PLB1: variants seen among roughly 807,000 people sequenced by gnomAD.
PLB1 encodes phospholipase B1, also known as phospholipase B1, membrane-associated.
PLB1 carries 242 observed loss-of-function variants against 227.4 expected under a neutral mutation model. That is an observed-to-expected ratio of 1.06 (90% confidence interval 0.96 to 1.18). PLB1 has a LOEUF of 1.18. Ranked by LOEUF, PLB1 falls within the 50% of genes most tolerant of loss-of-function variation. The probability of loss-of-function intolerance (pLI) is 0.00; values close to 1 mark genes in which losing one functional copy is unlikely to be tolerated. For missense variants in PLB1, 1,858 were observed against 1,816.3 expected (o/e 1.02, Z -0.42); for synonymous variants, 757 against 682.2 (o/e 1.11, Z -1.71).
intron 50 of PLB1, among the ~76,000 whole-genome samples, chr2:28,625,908 G>C (rs55743531): frequency 0.13 from 19,505 of 146,072 alleles, 3,263 homozygotes; most frequent in African/African-American, 0.4. Flanking sequence ...CCCCGCCAGC[G>C]CCCACCGCCA....
intron 11 of PLB1, 96 bp downstream of exon 11, chr2:28,539,274 C>A (rs944528754): frequency 1.5e-5 from 17 of 1,139,072 alleles, no homozygotes; most frequent in East Asian, 1.2e-4. Flanking sequence ...TATGAGGGAG[C>A]CCTAAAGAAC....
At chr2:28,562,269 C>A (rs115731737) in intron 17 of PLB1, among the ~76,000 whole-genome samples, 2 of 152,056 alleles carry the variant, frequency 1.3e-5, no homozygotes, top group African/African-American at 4.8e-5. Flanking sequence ...GTCGGCCGGG[C>A]GCGTTGGCTC....
At chr2:28,630,552 A>G (rs1483245932) in intron 53 of PLB1, 34 bp from the exon 54 acceptor site, 1 of 1,589,056 alleles carries the variant, frequency 6.3e-7, no homozygotes, top group East Asian at 2.2e-5. Context: ...ACAGTGCCCC[A>G]GGCAGCCTCA....
At chr2:28,569,164 C>T (rs899147352) in intron 20 of PLB1, among the ~76,000 whole-genome samples, 23 of 152,200 alleles carry the variant, frequency 1.5e-4, no homozygotes, top group African/African-American at 5.3e-4. Flanking sequence ...GGCTGCTACC[C>T]GGCCAGTTTC....
intron 56 of PLB1, among the ~76,000 whole-genome samples, chr2:28,635,005 T>TATTTCATAAAGATAAGTGGGAGGAGTTTA (rs767655782): frequency 6.6e-5 from 10 of 152,286 alleles, no homozygotes; most frequent in Non-Finnish European, 1.2e-4. Context: ...AAGAGGCCTT[T>TATTTCATAAAGATAAGTGGGAGGAGTTTA]ATTTCATAAA....
chr2:28,593,085 TTTC>T (rs772343331), intron 32 of PLB1, among the ~76,000 whole-genome samples: 7 of 152,170 alleles, frequency 4.6e-5, no homozygotes, highest in Non-Finnish European at 1.0e-4. Context: ...CTCACATCTG[TTTC>T]TTCTTTGCAT....
chr2:28,566,960 C>T, intron 20 of PLB1, 121 bp downstream of exon 20: 1 of 1,159,262 alleles, frequency 8.6e-7, no homozygotes, highest in South Asian at 1.3e-5. Context: ...GCTAAATTCA[C>T]CAGGGGGCGC....
chr2:28,591,855 G>A, intron 31 of PLB1, 95 bp downstream of exon 31: 2 of 1,242,376 alleles, frequency 1.6e-6, no homozygotes. Flanking sequence ...TCACTAAATG[G>A]CACAGTGACG....
chr2:28,524,254 T>C (rs1237407514), intron 4 of PLB1, among the ~76,000 whole-genome samples: 2 of 152,136 alleles, frequency 1.3e-5, no homozygotes, highest in Non-Finnish European at 2.9e-5. Flanking sequence ...GAGAGAAAAT[T>C]CACATCAGAA....
chr2:28,519,587 GACCTCCGCA>G (rs2148178994), intron 3 of PLB1, 109 bp from the exon 4 acceptor site: 4 of 727,784 alleles, frequency 5.5e-6, no homozygotes, highest in South Asian at 5.3e-5. Context: ...CAACAGACTG[GACCTCCGCA>G]GCTGTCCAGG....
chr2:28,565,055 G>C (rs982429997), intron 18 of PLB1, among the ~76,000 whole-genome samples: 1 of 152,224 alleles, frequency 6.6e-6, no homozygotes, highest in African/African-American at 2.4e-5. Context: ...GGGTTTCTTA[G>C]AATGAAGCAG....
intron 17 of PLB1, among the ~76,000 whole-genome samples, chr2:28,554,489 CTTTT>C (rs536476788): frequency 0.023 from 1,950 of 84,846 alleles, 35 homozygotes; most frequent in Middle Eastern, 0.04. Context: ...CCACACCTGC[CTTTT>C]TTTTTTTTTT....
chr2:28,538,077 T>C (rs1671946474), intron 9 of PLB1, among the ~76,000 whole-genome samples: 1 of 152,236 alleles, frequency 6.6e-6, no homozygotes, highest in South Asian at 2.1e-4. Context: ...ATGGAACTTT[T>C]CACCTGTGGG....
At chr2:28,520,378 A>C (rs1042560103) in intron 4 of PLB1, among the ~76,000 whole-genome samples, 4 of 152,184 alleles carry the variant, frequency 2.6e-5, no homozygotes, top group African/African-American at 9.6e-5. Flanking sequence ...AAATTTTTTA[A>C]GATAAATTTT....
intron 37 of PLB1, among the ~76,000 whole-genome samples, 183 bp downstream of exon 37, chr2:28,601,515 C>T (rs1683902523): frequency 2.0e-5 from 3 of 150,296 alleles, no homozygotes; most frequent in South Asian, 2.1e-4. Flanking sequence ...TACCCCACCA[C>T]CCTCCAGGTC....
intron 54 of PLB1, 41 bp downstream of exon 54, chr2:28,630,705 G>C (rs765969194): frequency 8.4e-6 from 13 of 1,550,122 alleles, no homozygotes; most frequent in Admixed American, 1.8e-5. Flanking sequence ...CAGCTGGGGG[G>C]CCCCCTGTAC....
At chr2:28,601,401 C>T in intron 37 of PLB1, 69 bp downstream of exon 37, 2 of 1,348,648 alleles carry the variant, frequency 1.5e-6, no homozygotes, top group Non-Finnish European at 1.1e-6. Context: ...GAGATCTTCC[C>T]TGAGAACAGT....
chr2:28,591,715 C>T lies in PLB1; in HGVS notation c.2143C>T (p.Leu715=). The part of the protein sequence containing the change: ...KNSMQGHGTW[L]PCRDRAPSAL... ...ATGCCCTTAGGGTCATGGGACCTGGCTGCCATGCAGGGACAGAGCCCCTTC... is the reference window on the plus strand; with the variant it reads ...ATGCCCTTAGGGTCATGGGACCTGGTTGCCATGCAGGGACAGAGCCCCTTC... Residue 715 remains leucine (L), a synonymous_variant, in exon 31 of 58, where the codon CTG becomes TTG. Coordinates refer to ENST00000327757, the MANE Select transcript of PLB1 (RefSeq NM_153021.5). The T allele has an allele frequency of 6.2e-7, 1 of 1,613,998 alleles. No homozygotes were observed. The highest frequency in any genetic ancestry group is 8.5e-7 in the Non-Finnish European group (1 of 1,179,962).
At chr2:28,554,857 A>T (rs1379885237) in intron 17 of PLB1, among the ~76,000 whole-genome samples, 1 of 152,120 alleles carries the variant, frequency 6.6e-6, no homozygotes, top group African/African-American at 2.4e-5. Flanking sequence ...TAGTGTGTTT[A>T]TCAGTACTTG....
Sources: gnomAD v4.1 joint callset for allele counts (sites outside exome capture counted in the v4.1 genomes callset) on GRCh38, gnomAD v4.1.1 for gene constraint, MANE v1.5 for transcripts, NCBI Gene and HGNC (gene_info 2026-07-23, HGNC 2026-07-21) for gene names.